CCDC171: variants seen among roughly 807,000 people sequenced by gnomAD.
CCDC171 encodes the protein coiled-coil domain containing 171.
In CCDC171, 177 loss-of-function variants were observed where a neutral mutation model predicts 168.2. The ratio of observed to expected loss-of-function variants is 1.05; its 90% CI spans 0.93 to 1.19. The LOEUF is 1.19. Among genes scored for constraint, CCDC171 ranks in the 50% most tolerant of loss-of-function variants. CCDC171 has a pLI of 0.00. For missense variants in CCDC171, 1,991 were observed against 1,539.0 expected, an observed-to-expected ratio of 1.29 and a Z score of -4.91; for synonymous variants, 687 against 540.8, an observed-to-expected ratio of 1.27 and a Z score of -3.75.
chr9:15,889,836 C>T (rs1206412715), intron 24 of CCDC171, among the ~76,000 whole-genome samples: 2 of 152,140 alleles, frequency 1.3e-5, no homozygotes, highest in Admixed American at 6.5e-5. Context: ...GGTATTCAGA[C>T]AATTACTCTA....
At chr9:15,823,790 A>G (rs895245554) in intron 21 of CCDC171, among the ~76,000 whole-genome samples, 10 of 152,130 alleles carry the variant, frequency 6.6e-5, no homozygotes, top group Non-Finnish European at 1.5e-4. Context: ...GAAAAAAATA[A>G]AATGCTTTAC....
intron 16 of CCDC171, among the ~76,000 whole-genome samples, chr9:15,734,540 CCAT>C (rs1169889539): frequency 6.6e-6 from 1 of 151,758 alleles, no homozygotes; most frequent in African/African-American, 2.4e-5. Context: ...GAGCGAAACT[CCAT>C]TTAAAAATAA....
intron 21 of CCDC171, 79 bp from the exon 22 acceptor site, chr9:15,846,623 C>T: frequency 2.1e-6 from 3 of 1,452,602 alleles, no homozygotes; most frequent in Middle Eastern, 1.8e-4. Context: ...CTGTATTCTT[C>T]TTTGTTTAAT....
chr9:15,627,489 A>G (rs2045256680), intron 7 of CCDC171, among the ~76,000 whole-genome samples: 1 of 148,796 alleles, frequency 6.7e-6, no homozygotes, highest in Non-Finnish European at 1.5e-5. Context: ...GCTGGTTTGA[A>G]TGTGTCCCAG....
At chr9:16,040,881 C>CT (rs998554106), upstream of CCDC171, among the ~76,000 whole-genome samples, 5 of 151,094 alleles carry the variant, frequency 3.3e-5, no homozygotes, top group African/African-American at 1.2e-4. Context: ...GATACTCTCT[C>CT]TTTTTTTTTC....
chr9:16,066,874 G>C, the CCDC171 span, among the ~76,000 whole-genome samples: 1 of 150,272 alleles, frequency 6.7e-6, no homozygotes, highest in African/African-American at 2.5e-5. Context: ...TTGGACATTT[G>C]GGTTGGTTCC....
intron 10 of CCDC171, among the ~76,000 whole-genome samples, chr9:15,681,046 A>T (rs999573168): frequency 6.6e-6 from 1 of 152,128 alleles, no homozygotes; most frequent in African/African-American, 2.4e-5. Flanking sequence ...ACTTGGTACC[A>T]ACAGATTTTT....
intron 7 of CCDC171, among the ~76,000 whole-genome samples, chr9:15,645,534 G>A (rs2046970506): frequency 6.6e-6 from 1 of 152,202 alleles, no homozygotes; most frequent in African/African-American, 2.4e-5. Context: ...AGAATAAACA[G>A]TGTAGAGAAG....
chr9:15,910,232 G>C (rs915943425), intron 24 of CCDC171, among the ~76,000 whole-genome samples: 1 of 151,418 alleles, frequency 6.6e-6, no homozygotes, highest in Admixed American at 6.6e-5. Context: ...ATCTGTTGAC[G>C]GACAGTTAGG....
At chr9:15,904,703 T>C (rs919338497) in intron 24 of CCDC171, among the ~76,000 whole-genome samples, 62 of 151,918 alleles carry the variant, frequency 4.1e-4, no homozygotes, top group Non-Finnish European at 7.9e-4. Flanking sequence ...GGCTAAATGC[T>C]CCAATTAAAA....
intron 7 of CCDC171, among the ~76,000 whole-genome samples, chr9:15,627,482 G>T (rs2045255396): frequency 6.6e-6 from 1 of 151,916 alleles, no homozygotes; most frequent in Admixed American, 6.6e-5. Flanking sequence ...TCTACACGCT[G>T]GTTTGAATGT....
At chr9:16,021,275 A>G (rs1833155308) in intron 4 of CCDC171, among the ~76,000 whole-genome samples, 1 of 152,124 alleles carries the variant, frequency 6.6e-6, no homozygotes, top group African/African-American at 2.4e-5. Context: ...TTTAGTAGAG[A>G]CAGGGTTTCA....
chr9:16,054,284 A>C (rs563623327), intron 1 of CCDC171, among the ~76,000 whole-genome samples: 2 of 152,330 alleles, frequency 1.3e-5, no homozygotes, highest in African/African-American at 4.8e-5. Flanking sequence ...GGGGAAAGAT[A>C]CATAATAAAT....
chr9:16,060,061 T>G (rs1833908013), intron 1 of CCDC171, among the ~76,000 whole-genome samples: 1 of 152,170 alleles, frequency 6.6e-6, no homozygotes. Context: ...CTTCCTTAAT[T>G]TTTGAGGGAG....
At chr9:15,857,946 T>C (rs2061409394) in intron 23 of CCDC171, among the ~76,000 whole-genome samples, 1 of 151,736 alleles carries the variant, frequency 6.6e-6, no homozygotes, top group Non-Finnish European at 1.5e-5. Context: ...TATATATATA[T>C]GTATATATGC....
chr9:16,044,824 C>G (rs550887935), intron 1 of CCDC171, among the ~76,000 whole-genome samples: 1 of 152,220 alleles, frequency 6.6e-6, no homozygotes, highest in South Asian at 2.1e-4. Flanking sequence ...GGTATTGCAG[C>G]CTGGGGTTGG....
intron 24 of CCDC171, among the ~76,000 whole-genome samples, chr9:15,884,529 A>G (rs1234311158): frequency 2.6e-5 from 4 of 152,260 alleles, no homozygotes; most frequent in African/African-American, 9.6e-5. Context: ...AATGGGAATT[A>G]TTTTCTTAAC....
intron 10 of CCDC171, among the ~76,000 whole-genome samples, chr9:15,685,707 G>A (rs185184486): frequency 6.6e-6 from 1 of 152,148 alleles, no homozygotes; most frequent in Admixed American, 6.5e-5. Context: ...TTTACTGTGT[G>A]AATGAAGAGT....
intron 3 of CCDC171, among the ~76,000 whole-genome samples, chr9:16,007,171 C>T (rs1026521271): frequency 4.6e-5 from 7 of 152,062 alleles, no homozygotes; most frequent in Non-Finnish European, 5.9e-5. Flanking sequence ...TTTGCATTTC[C>T]CTGATGGCCA....
Sources: gnomAD v4.1 joint callset for allele counts (sites outside exome capture counted in the v4.1 genomes callset) on GRCh38, gnomAD v4.1.1 for gene constraint, MANE v1.5 for transcripts, NCBI Gene and HGNC (gene_info 2026-07-23, HGNC 2026-07-21) for gene names.